Variants in MTBP observed in about 807,000 individuals in gnomAD.
MTBP encodes MDM2 binding protein, also known as mdm2-binding protein.
In MTBP, 101 loss-of-function variants were observed where a neutral mutation model predicts 117.0. The ratio of observed to expected loss-of-function variants is 0.86; its 90% CI spans 0.73 to 1.02. The LOEUF (loss-of-function observed/expected upper bound fraction) is 1.02. Among genes scored for constraint, MTBP ranks in the 50% least tolerant of loss-of-function variants. The probability of loss-of-function intolerance (pLI) is 0.00; values close to 1 mark genes in which losing one functional copy is unlikely to be tolerated. For synonymous variants in MTBP, 350 were observed against 351.5 expected (o/e 1.00, Z 0.05); for missense variants, 970 against 1,030.9 (o/e 0.94, Z 0.81).
intron 14 of MTBP, among the ~76,000 whole-genome samples, chr8:120,501,911 C>T (rs75663355): frequency 0.014 from 2,079 of 152,274 alleles, 42 homozygotes; most frequent in African/African-American, 0.046. Flanking sequence ...AAGATAAGCA[C>T]ACTCTTACAC....
chr8:120,455,525 A>G lies in MTBP; in HGVS notation c.575A>G (p.His192Arg). 1.2e-6 allele frequency: 2 copies of G among 1,610,060 alleles called. No individual in the cohort carries two copies. Among genetic ancestry groups the G allele is most frequent in the South Asian group, 1.1e-5 (1 of 90,924 alleles). Residue 192 changes from histidine to arginine, a missense_variant, in exon 6 of 22, where the codon CAT (histidine) becomes CGT (arginine). Physicochemically the swap from His to Arg is conservative, Grantham distance 29 (BLOSUM62 0). Transcript: ENST00000305949. ...DYLPTVGALKHLREWYSAKIT... is the reference protein window; with the variant it reads ...DYLPTVGALKRLREWYSAKIT... ...TTACCTACTGTAGGAGCATTAAAACATTTGAGAGAATGGTATTCAGCAAAG... is the reference window on the plus strand; with the variant it reads ...TTACCTACTGTAGGAGCATTAAAACGTTTGAGAGAATGGTATTCAGCAAAG...
Position 120,456,687 on chromosome 8 carries a change from C to A in MTBP, c.747+17C>A. 7.3e-7 allele frequency: 1 copy of A among 1,377,788 alleles called. No individual in the cohort carries two copies. The highest frequency in any genetic ancestry group is 1.0e-6 in the Non-Finnish European group (1 of 977,800). 85.3% of individuals were successfully genotyped at this position (1,377,788 alleles called of 1,614,324 possible). A position where few individuals can be genotyped will look rare whatever the true frequency, so the allele number is the denominator to read the frequency against. On this transcript the variant is annotated intron_variant, in intron 7 of 21. Coordinates refer to ENST00000305949, the MANE Select transcript of MTBP (RefSeq NM_022045.5). Reference sequence around the variant, plus strand: ...GAAAGAAAGGTAAATGGATTATTCACAGTTTGCCAAGTAGGCCTTTCAATT... The same window carrying A: ...GAAAGAAAGGTAAATGGATTATTCAAAGTTTGCCAAGTAGGCCTTTCAATT...
In MTBP at chr8:120,517,978, G is replaced by T. The variant is rs1275302178; in HGVS notation, c.2374G>T (p.Val792Phe). 3.7e-6 allele frequency: 6 copies of T among 1,612,794 alleles called. No homozygotes were observed. Among genetic ancestry groups the T allele is most frequent in the Non-Finnish European group, 5.1e-6 (6 of 1,179,144 alleles). Residue 792 changes from valine to phenylalanine, a missense_variant, in exon 19 of 22, where the codon GTT becomes TTT. Transcript: ENST00000305949. ...GTCCTTACCAGTGACTTGTCCATTG[G>T]TTCCAATTCCTAGCTGTGAAACTCC... ...ERSLPVTCPL[V>F]PIPSCETPKL... is the part of the protein sequence containing the mutation.
At chr8:120,490,656 T>C (rs990856534) in intron 13 of MTBP, 86 bp downstream of exon 13, 1 of 754,664 alleles carries the variant, frequency 1.3e-6, no homozygotes, top group African/African-American at 1.8e-5. Context: ...CACTTTTTCA[T>C]ATATAGTTTA....
intron 13 of MTBP, among the ~76,000 whole-genome samples, chr8:120,491,042 T>G (rs942638666): frequency 6.6e-6 from 1 of 152,128 alleles, no homozygotes; most frequent in Non-Finnish European, 1.5e-5. Flanking sequence ...ATGTACTAAG[T>G]GACATTGGCA....
intron 20 of MTBP, among the ~76,000 whole-genome samples, 157 bp downstream of exon 20, chr8:120,518,974 TATATTTG>T (rs1814968608): frequency 6.6e-6 from 1 of 152,090 alleles, no homozygotes; most frequent in South Asian, 2.1e-4. Flanking sequence ...CAAAATACTT[TATATTTG>T]ATTTGATTTG....
rs375177220 is a variant in MTBP at position 120,497,381 on chromosome 8, T to A, written c.1448-12T>A. 1.3e-6 allele frequency: 2 copies of A among 1,590,412 alleles called. No individual in the cohort carries two copies. The highest frequency in any genetic ancestry group is 2.7e-5 in the African/African-American group (2 of 73,610). On this transcript the variant is annotated splice_polypyrimidine_tract_variant and intron_variant, in intron 13 of 21. Transcript: ENST00000305949. ...ATACAAAATAAGTCAATTGTATTGA[T>A]TTGTCTTATAGAAAGACGAAAGTTG...
At chr8:120,497,180 A>T (rs751115012) in intron 13 of MTBP, among the ~76,000 whole-genome samples, 2 of 152,342 alleles carry the variant, frequency 1.3e-5, no homozygotes, top group Non-Finnish European at 2.9e-5. Context: ...TATAGTATCA[A>T]TGAATTACTT....
intron 11 of MTBP, among the ~76,000 whole-genome samples, chr8:120,487,642 G>A (rs555689429): frequency 6.6e-6 from 1 of 152,064 alleles, no homozygotes; most frequent in African/African-American, 2.4e-5. Context: ...TATACTAGAC[G>A]CTGTCTTAAC....
At chr8:120,520,098 T>C (rs1814988807) in intron 20 of MTBP, among the ~76,000 whole-genome samples, 2 of 152,142 alleles carry the variant, frequency 1.3e-5, no homozygotes, top group Admixed American at 1.3e-4. Context: ...TAGACAGCCA[T>C]GGATTAGCAG....
chr8:120,515,274 A>T (rs1814896834), intron 17 of MTBP, among the ~76,000 whole-genome samples: 1 of 152,008 alleles, frequency 6.6e-6, no homozygotes, highest in African/African-American at 2.4e-5. Flanking sequence ...TCTTCCTGAT[A>T]TCCTTGTTTG....
chr8:120,515,847 T>C, intron 17 of MTBP, 78 bp from the exon 18 acceptor site: 9 of 1,293,764 alleles, frequency 7.0e-6, no homozygotes, highest in Non-Finnish European at 9.6e-6. Flanking sequence ...GTAAATGTCC[T>C]GCTATTTTCT....
intron 11 of MTBP, among the ~76,000 whole-genome samples, chr8:120,486,869 T>A (rs540239827): frequency 3.3e-5 from 5 of 152,218 alleles, no homozygotes; most frequent in South Asian, 2.1e-4. Context: ...CCAATCCTAA[T>A]CTTAGTATAT....
At chr8:120,453,064 G>T (rs538415382) in intron 4 of MTBP, among the ~76,000 whole-genome samples, 27 of 151,970 alleles carry the variant, frequency 1.8e-4, no homozygotes, top group Non-Finnish European at 3.5e-4. Context: ...ATCTGAAGAG[G>T]GCGTCATATT....
At position 120,476,512 on chromosome 8, in the gene MTBP, G is replaced by C. The variant is rs149128497; in HGVS notation, c.1165+5575G>C. Among the ~76,000 whole-genome samples, 753 of 152,132 alleles carry C rather than the reference G, an allele frequency of 4.9e-3. 8 individuals are homozygous for C. Among genetic ancestry groups the C allele is most frequent in the Non-Finnish European group, 7.7e-3 (524 of 67,976 alleles). ...GATTGTATATTTAGAAAACTCCATCGTCTCAGCCCAAAATCTCCTTAAGCT... is the reference window on the plus strand; with the variant it reads ...GATTGTATATTTAGAAAACTCCATCCTCTCAGCCCAAAATCTCCTTAAGCT... On this transcript the variant is annotated intron_variant, in intron 11 of 21. Transcript: ENST00000305949.
chr8:120,490,657 A>G, intron 13 of MTBP, 87 bp downstream of exon 13: 1 of 754,130 alleles, frequency 1.3e-6, no homozygotes, highest in East Asian at 2.8e-5. Flanking sequence ...ACTTTTTCAT[A>G]TATAGTTTAT....
intron 4 of MTBP, chr8:120,451,647 G>T: frequency 4.1e-6 from 1 of 242,394 alleles, no homozygotes; most frequent in South Asian, 5.2e-5. Flanking sequence ...CAGTGGTGCA[G>T]TCACGGCTTG....
At chr8:120,515,874 T>G in intron 17 of MTBP, 51 bp from the exon 18 acceptor site, 1 of 1,515,190 alleles carries the variant, frequency 6.6e-7, no homozygotes, top group Non-Finnish European at 9.0e-7. Context: ...AAGGGGAAAG[T>G]CTGTTGCTCT....
At chr8:120,513,260 T>A (rs1406758618) in intron 17 of MTBP, among the ~76,000 whole-genome samples, 3 of 152,088 alleles carry the variant, frequency 2.0e-5, no homozygotes, top group Non-Finnish European at 4.4e-5. Flanking sequence ...CCTTAATTGG[T>A]ATTGGTTGGT....
Sources: gnomAD v4.1 joint callset for allele counts (sites outside exome capture counted in the v4.1 genomes callset) on GRCh38, gnomAD v4.1.1 for gene constraint, MANE v1.5 for transcripts, NCBI Gene and HGNC (gene_info 2026-07-23, HGNC 2026-07-21) for gene names.